DOCK1: variants seen among roughly 807,000 people sequenced by gnomAD.
DOCK1 encodes dedicator of cytokinesis 1, also known as dedicator of cytokinesis protein 1.
In DOCK1, 138 loss-of-function variants were observed where a neutral mutation model predicts 262.7. That is an observed-to-expected ratio of 0.53 (90% CI 0.46 to 0.61). The LOEUF is 0.61. Ranked by LOEUF, DOCK1 falls within the 20% of genes least tolerant of loss-of-function variation. DOCK1 has a pLI of 0.00. For synonymous variants in DOCK1, 866 were observed against 867.4 expected (o/e 1.00, Z 0.03); for missense variants, 1,908 against 2,370.7 (o/e 0.80, Z 4.05).
intron 29 of DOCK1, among the ~76,000 whole-genome samples, chr10:127,293,515 G>A (rs1339845469): frequency 6.6e-6 from 1 of 152,174 alleles, no homozygotes; most frequent in Non-Finnish European, 1.5e-5. Context: ...TCCCTTCCCA[G>A]CGAGCACTGT....
chr10:127,253,387 C>A (rs1046470240), intron 28 of DOCK1, among the ~76,000 whole-genome samples: 1 of 152,142 alleles, frequency 6.6e-6, no homozygotes, highest in Non-Finnish European at 1.5e-5. Flanking sequence ...TCTCTCCCAC[C>A]GCATCCCATT....
Position 127,176,004 on chromosome 10 carries a change from G to A in DOCK1, c.2847+48240G>A, listed in dbSNP as rs753615944. Reference sequence around the variant, plus strand: ...TTGGCTTTTAAAGGGATCTGCAGCTGGGAGGCTTTTGAGGTTCCCCTTTTT... The same window carrying A: ...TTGGCTTTTAAAGGGATCTGCAGCTAGGAGGCTTTTGAGGTTCCCCTTTTT... On this transcript the variant is annotated intron_variant, in intron 27 of 51. Transcript: ENST00000623213. This position sits in a 1 kb window ranked among gnomAD's most constrained non-coding sequence, Gnocchi z 4.4. The A allele has an allele frequency of 2.3e-5, 37 of 1,614,064 alleles. No homozygotes were observed. Among genetic ancestry groups the A allele is most frequent in the Non-Finnish European group, 2.8e-5 (33 of 1,180,048 alleles).
At chr10:126,981,451 A>G (rs1382205816) in intron 3 of DOCK1, among the ~76,000 whole-genome samples, 1 of 152,124 alleles carries the variant, frequency 6.6e-6, no homozygotes, top group Non-Finnish European at 1.5e-5. Context: ...TCTGTATTTT[A>G]CCAGAGGGCC....
chr10:126,941,865 G>A (rs1394522372), intron 1 of DOCK1, among the ~76,000 whole-genome samples: 3 of 152,274 alleles, frequency 2.0e-5, no homozygotes, highest in East Asian at 1.9e-4. Flanking sequence ...TTCTCAGCCC[G>A]CCTTTGCAGG....
At chr10:127,196,754 G>T (rs1407429936) in intron 27 of DOCK1, among the ~76,000 whole-genome samples, 1 of 147,634 alleles carries the variant, frequency 6.8e-6, no homozygotes, top group Non-Finnish European at 1.5e-5. Context: ...AGGAGCTGCC[G>T]CCGGCTGCCG....
intron 29 of DOCK1, among the ~76,000 whole-genome samples, chr10:127,302,828 T>C (rs1334081288): frequency 2.0e-5 from 3 of 146,634 alleles, no homozygotes; most frequent in Non-Finnish European, 4.5e-5. Context: ...TCAAAATGGG[T>C]GAGAACAGAG....
chr10:127,048,447 T>G (rs1261357427), intron 21 of DOCK1, among the ~76,000 whole-genome samples: 1 of 152,206 alleles, frequency 6.6e-6, no homozygotes, highest in Non-Finnish European at 1.5e-5. Flanking sequence ...TTGAACATTT[T>G]CTTCCTGCCT....
At chr10:127,029,123 T>C (rs937808679) in intron 16 of DOCK1, among the ~76,000 whole-genome samples, 1 of 152,244 alleles carries the variant, frequency 6.6e-6, no homozygotes, top group African/African-American at 2.4e-5. Flanking sequence ...GACAAGATGC[T>C]ATCACCCAAC....
chr10:126,984,465 G>A (rs2039208972), intron 4 of DOCK1, among the ~76,000 whole-genome samples: 1 of 151,836 alleles, frequency 6.6e-6, no homozygotes, highest in East Asian at 1.9e-4. Context: ...TCCTGCCTTA[G>A]CCTCCCCAGT....
intron 27 of DOCK1, among the ~76,000 whole-genome samples, chr10:127,210,753 G>A: frequency 6.6e-6 from 1 of 152,044 alleles, no homozygotes; most frequent in Non-Finnish European, 1.5e-5. Context: ...CTTTTCTGAG[G>A]GTTCCTCAGC....
chr10:127,233,493 A>G (rs563337050), intron 27 of DOCK1, among the ~76,000 whole-genome samples: 67 of 152,346 alleles, frequency 4.4e-4, no homozygotes, highest in African/African-American at 1.5e-3. Flanking sequence ...GATGTGAAAC[A>G]TCTACAATGT....
At chr10:127,355,039 T>G (rs890335407) in intron 32 of DOCK1, among the ~76,000 whole-genome samples, 1 of 152,200 alleles carries the variant, frequency 6.6e-6, no homozygotes, top group Non-Finnish European at 1.5e-5. Context: ...CAGTTCCTTC[T>G]GCGTCAAATA....
chr10:127,205,325 C>T (rs1337839722), intron 27 of DOCK1, among the ~76,000 whole-genome samples: 3 of 152,156 alleles, frequency 2.0e-5, no homozygotes, highest in Admixed American at 6.5e-5. Flanking sequence ...CCGACTCCAG[C>T]GTGGATGAAG....
chr10:127,235,099 A>G (rs1447632818), intron 27 of DOCK1, among the ~76,000 whole-genome samples: 1 of 149,888 alleles, frequency 6.7e-6, no homozygotes, highest in Non-Finnish European at 1.5e-5. Flanking sequence ...AATACTTTAT[A>G]TATGTATACT....
intron 27 of DOCK1, among the ~76,000 whole-genome samples, chr10:127,197,278 A>G (rs954846083): frequency 1.2e-4 from 19 of 152,346 alleles, no homozygotes; most frequent in African/African-American, 4.6e-4. Context: ...CCGTCAGCAG[A>G]AGCCACAGGG....
At chr10:127,210,383 A>G (rs988348084) in intron 27 of DOCK1, among the ~76,000 whole-genome samples, 1 of 152,156 alleles carries the variant, frequency 6.6e-6, no homozygotes, top group Non-Finnish European at 1.5e-5. Context: ...GGGGCTGTAA[A>G]GGGACCGATG....
intron 31 of DOCK1, among the ~76,000 whole-genome samples, chr10:127,354,286 A>G (rs1400552823): frequency 6.6e-6 from 1 of 152,224 alleles, no homozygotes; most frequent in African/African-American, 2.4e-5. Flanking sequence ...AACTTTGGAA[A>G]GCAACCTGTT....
chr10:127,333,858 A>T (rs1486255656), intron 29 of DOCK1, among the ~76,000 whole-genome samples: 1 of 152,208 alleles, frequency 6.6e-6, no homozygotes, highest in Non-Finnish European at 1.5e-5. Context: ...CAGTGTTCAG[A>T]TAACTTTGTA....
At chr10:127,373,416 A>G (rs569357161) in intron 33 of DOCK1, among the ~76,000 whole-genome samples, 1 of 152,312 alleles carries the variant, frequency 6.6e-6, no homozygotes, top group East Asian at 1.9e-4. Context: ...TCAGGAACCA[A>G]CAAGCTATTT....
Sources: allele counts gnomAD v4.1 joint callset (sites outside exome capture counted in the v4.1 genomes callset), GRCh38; gene constraint gnomAD v4.1.1; non-coding constraint Gnocchi (gnomAD v3.1); transcripts MANE v1.5; gene names NCBI Gene and HGNC (gene_info 2026-07-23, HGNC 2026-07-21).